The following MEF2C variants were observed in gnomAD, a reference collection of about 807,000 sequenced individuals.
MEF2C encodes the protein myocyte-specific enhancer factor 2C.
In MEF2C, 6 loss-of-function variants were observed where a neutral mutation model predicts 50.5. That is an observed-to-expected ratio of 0.12 (90% CI 0.07 to 0.23). The LOEUF is 0.23. MEF2C is among the 10% of genes least tolerant of loss of function. The probability of loss-of-function intolerance (pLI) is 1.00; values close to 1 mark genes in which losing one functional copy is unlikely to be tolerated. For missense variants in MEF2C, 276 were observed against 605.0 expected, an observed-to-expected ratio of 0.46 and a Z score of 5.70; for synonymous variants, 183 against 228.0, an observed-to-expected ratio of 0.80 and a Z score of 1.78.
At chr5:88,787,096 A>G (rs1237579152) in intron 3 of MEF2C, among the ~76,000 whole-genome samples, 1 of 151,900 alleles carries the variant, frequency 6.6e-6, no homozygotes, top group Non-Finnish European at 1.5e-5. Context: ...GGCCGTGAAC[A>G]CCATACTTTG....
Position 88,722,488 on chromosome 5 carries a change from CTT to C in MEF2C, c.*114_*115del, listed in dbSNP as rs553216678. On this transcript the variant is annotated 3_prime_UTR_variant, in exon 11 of 11. Transcript: ENST00000504921. ...TACTTTTACAAAACAGAGTACCTGA[CTT>C]TTTTTTTTTCCACACACGGCACATA... 89 of 733,662 alleles carry C rather than the reference CTT, an allele frequency of 1.2e-4. No homozygotes were observed. Among genetic ancestry groups the C allele is most frequent in the Middle Eastern group, 3.1e-4 (1 of 3,180 alleles). 45.4% of individuals were successfully genotyped at this position (733,662 alleles called of 1,614,324 possible).
At chr5:88,899,350 A>AC (rs1835412227) in intron 1 of MEF2C, among the ~76,000 whole-genome samples, 1 of 152,134 alleles carries the variant, frequency 6.6e-6, no homozygotes, top group African/African-American at 2.4e-5. Context: ...GCAGACAGGA[A>AC]CCCACCAATA....
chr5:88,800,485 T>G (rs1261006303), intron 3 of MEF2C, among the ~76,000 whole-genome samples: 7 of 152,230 alleles, frequency 4.6e-5, no homozygotes, highest in Non-Finnish European at 1.5e-5. Flanking sequence ...TGGAGCTTGC[T>G]AAATCATTGC....
At chr5:88,730,610 TC>T (rs1198742482) in intron 7 of MEF2C, among the ~76,000 whole-genome samples, 1 of 152,170 alleles carries the variant, frequency 6.6e-6, no homozygotes. Context: ...TGGGACAGCA[TC>T]AGTTTTAAGG....
At chr5:88,772,754 G>A (rs1782948788) in intron 3 of MEF2C, 1 of 985,280 alleles carries the variant, frequency 1.0e-6, no homozygotes, top group African/African-American at 1.7e-5. Context: ...TCTTCAAGGA[G>A]TGGCTATAAG....
At chr5:88,813,526 A>G (rs1344489477) in intron 2 of MEF2C, among the ~76,000 whole-genome samples, 3 of 152,094 alleles carry the variant, frequency 2.0e-5, no homozygotes, top group African/African-American at 7.2e-5. Context: ...AACTGTGGTA[A>G]CTGTTCTTGC....
At chr5:88,738,024 A>C (rs1764844316) in intron 6 of MEF2C, 2 of 985,344 alleles carry the variant, frequency 2.0e-6, no homozygotes, top group Non-Finnish European at 2.4e-6. Context: ...AATACATGAG[A>C]AATGATGTCT....
chr5:88,895,087 T>G (rs1834978454), intron 1 of MEF2C, among the ~76,000 whole-genome samples: 1 of 152,212 alleles, frequency 6.6e-6, no homozygotes, highest in Non-Finnish European at 1.5e-5. Context: ...TGTTAGCTAT[T>G]ATATACCATT....
Position 88,823,913 on chromosome 5 carries a change from T to C in MEF2C, c.-125A>G. 1 of 1,471,290 alleles carries C rather than the reference T, an allele frequency of 6.8e-7. No individual in the cohort carries two copies. The highest frequency in any genetic ancestry group is 2.4e-5 in the East Asian group (1 of 42,438). 91.1% of individuals were successfully genotyped at this position (1,471,290 alleles called of 1,614,324 possible). A position where few individuals can be genotyped will look rare whatever the true frequency, so the allele number is the denominator to read the frequency against. Reference sequence around the variant, plus strand: ...GCACTTGCACAGCTCAGTTCCCAAATTCCTGCATTCGTTCCTGCTGAACAA... The same window carrying C: ...GCACTTGCACAGCTCAGTTCCCAAACTCCTGCATTCGTTCCTGCTGAACAA... On this transcript the variant is annotated 5_prime_UTR_variant, in exon 2 of 11. Transcript: ENST00000504921.
intron 1 of MEF2C, among the ~76,000 whole-genome samples, chr5:88,865,501 C>T (rs1009242892): frequency 1.3e-5 from 2 of 152,154 alleles, no homozygotes; most frequent in Non-Finnish European, 2.9e-5. Flanking sequence ...AATTAGCCAA[C>T]AGCTATAACT....
intron 1 of MEF2C, among the ~76,000 whole-genome samples, chr5:88,899,345 C>T (rs1045745570): frequency 3.3e-5 from 5 of 152,140 alleles, no homozygotes; most frequent in African/African-American, 1.2e-4. Context: ...TCATTGCAGA[C>T]AGGAACCCAC....
intron 2 of MEF2C, among the ~76,000 whole-genome samples, chr5:88,806,045 CTTTG>C (rs1290623114): frequency 2.6e-5 from 4 of 151,856 alleles, no homozygotes; most frequent in East Asian, 1.9e-4. Context: ...ACCTTTTAAA[CTTTG>C]TTTAACTTGC....
chr5:88,746,429 C>T, intron 6 of MEF2C: 1 of 759,102 alleles, frequency 1.3e-6, no homozygotes, highest in Non-Finnish European at 1.6e-6. Flanking sequence ...ATGAGACTCT[C>T]CCTCCCTCTC....
At position 88,728,578 on chromosome 5, in the gene MEF2C, C is replaced by T. The variant is rs778783316; in HGVS notation, c.1015G>A (p.Ala339Thr). Reference sequence around the variant, plus strand: ...ACTGAACCAAGGTGAAGAGCGCTGGCGGTGTTAAACCCAGACAGAGATGAC... The same window carrying T: ...ACTGAACCAAGGTGAAGAGCGCTGGTGGTGTTAAACCCAGACAGAGATGAC... ...DLSSLSGFNT[A>T]SALHLGSVTG... Residue 339 changes from alanine to threonine, a missense_variant, in exon 10 of 11, where the codon GCC (alanine) becomes ACC (threonine). This residue lies in a region of MEF2C where 256 missense variants were observed against 468.1 expected (regional missense o/e 0.55). Coordinates refer to ENST00000504921, the MANE Select transcript of MEF2C (RefSeq NM_002397.5). 1.4e-5 allele frequency: 21 copies of T among 1,531,312 alleles called. No homozygotes were observed. Among genetic ancestry groups the T allele is most frequent in the Middle Eastern group, 1.7e-4 (1 of 5,856 alleles). 94.9% of individuals were successfully genotyped at this position (1,531,312 alleles called of 1,614,324 possible). A position where few individuals can be genotyped will look rare whatever the true frequency, so the allele number is the denominator to read the frequency against.
chr5:88,815,130 AAAT>A (rs1804733856), intron 2 of MEF2C, among the ~76,000 whole-genome samples: 1 of 152,154 alleles, frequency 6.6e-6, no homozygotes, highest in South Asian at 2.1e-4. Context: ...GAGAAGAATC[AAAT>A]AAACCAGATT....
chr5:88,830,280 T>C (rs1471197707), intron 1 of MEF2C, among the ~76,000 whole-genome samples: 1 of 152,050 alleles, frequency 6.6e-6, no homozygotes, highest in Non-Finnish European at 1.5e-5. Context: ...AGTCCTACTT[T>C]AATATCTTTC....
chr5:88,867,926 C>T (rs749427611), intron 1 of MEF2C, among the ~76,000 whole-genome samples: 2 of 152,104 alleles, frequency 1.3e-5, no homozygotes, highest in Non-Finnish European at 1.5e-5. Flanking sequence ...ACGCGTGCAG[C>T]GAGACTCTTT....
intron 3 of MEF2C, among the ~76,000 whole-genome samples, chr5:88,783,042 C>CG (rs1205828879): frequency 6.6e-6 from 1 of 152,098 alleles, no homozygotes; most frequent in East Asian, 1.9e-4. Flanking sequence ...AGTTTGCCCA[C>CG]GTTTTTCATC....
Position 88,804,736 on chromosome 5 carries a change from G to A in MEF2C, c.120C>T (p.Asp40=). The A allele has an allele frequency of 6.2e-7, 1 of 1,614,128 alleles. No individual in the cohort carries two copies. Among genetic ancestry groups the A allele is most frequent in the Non-Finnish European group, 8.5e-7 (1 of 1,180,024 alleles). The change falls in exon 3 of 11, where the codon GAC becomes GAT. Residue 40 remains aspartate (D), a synonymous_variant. Coordinates refer to ENST00000504921, the MANE Select transcript of MEF2C (RefSeq NM_002397.5). ...KKAYELSVLC[D]CEIALIIFNS... ...TGAAGATGATCAGCGCAATCTCACA[G>A]TCACACAGCACGCTCAGCTCATAAG...
Sources: gnomAD v4.1 joint callset for allele counts (sites outside exome capture counted in the v4.1 genomes callset) on GRCh38, gnomAD v4.1.1 for gene constraint, gnomAD v4.1.1 regional missense constraint, MANE v1.5 for transcripts, NCBI Gene and HGNC (gene_info 2026-07-23, HGNC 2026-07-21) for gene names.